The following RILPL2 variants were observed in gnomAD, a reference collection of about 807,000 sequenced individuals.
RILPL2 encodes the protein RILP-like protein 2.
RILPL2 carries 19 observed loss-of-function variants against 22.2 expected under a neutral mutation model. That is an observed-to-expected ratio of 0.86 (90% CI 0.60 to 1.25). The LOEUF is 1.25. RILPL2 is among the 50% of genes most tolerant of loss of function. RILPL2 has a pLI of 0.00. For synonymous variants in RILPL2, 123 were observed against 111.6 expected, an observed-to-expected ratio of 1.10 and a Z score of -0.64; for missense variants, 243 against 263.6, an observed-to-expected ratio of 0.92 and a Z score of 0.54.
At chr12:123,434,687 A>C (rs899571514) in intron 1 of RILPL2, among the ~76,000 whole-genome samples, 1 of 151,742 alleles carries the variant, frequency 6.6e-6, no homozygotes, top group Non-Finnish European at 1.5e-5. Context: ...TGGCCTCCCA[A>C]AGTGCTGGGA....
In RILPL2 at chr12:123,430,497, G is replaced by C; in HGVS notation, c.491+11C>G. The C allele has an allele frequency of 6.3e-7, 1 of 1,599,776 alleles. No individual in the cohort carries two copies. The highest frequency in any genetic ancestry group is 8.5e-7 in the Non-Finnish European group (1 of 1,171,832). On this transcript the variant is annotated intron_variant, in intron 2 of 3. Transcript: ENST00000280571. ...GTCTGGGTGCAGGACCCTCCAGGCA[G>C]TGGAGCCCACCTCTTGTAGCACTGC... is the stretch of plus-strand genomic sequence containing the variant.
At chr12:123,431,900 A>T (rs973294763) in intron 1 of RILPL2, among the ~76,000 whole-genome samples, 2 of 149,766 alleles carry the variant, frequency 1.3e-5, no homozygotes, top group Non-Finnish European at 1.5e-5. Context: ...ATTTTATTTT[A>T]TTTTTTTCTT....
chr12:123,417,302 A>G (rs543606838), intron 3 of RILPL2, among the ~76,000 whole-genome samples: 19 of 151,634 alleles, frequency 1.3e-4, no homozygotes, highest in Non-Finnish European at 2.4e-4. Flanking sequence ...CCATCTCAAA[A>G]AAAAAAAAAG....
intron 2 of RILPL2, among the ~76,000 whole-genome samples, chr12:123,424,813 G>A (rs1000460951): frequency 5.9e-5 from 9 of 151,952 alleles, no homozygotes; most frequent in Non-Finnish European, 1.3e-4. Flanking sequence ...TACCCCCATG[G>A]TGTTGTCCCC....
intron 2 of RILPL2, among the ~76,000 whole-genome samples, chr12:123,425,745 GTTC>G (rs1879427480): frequency 6.6e-6 from 1 of 150,444 alleles, no homozygotes; most frequent in Admixed American, 6.6e-5. Flanking sequence ...CACCTCCCTG[GTTC>G]AAGCAATTCC....
intron 2 of RILPL2, among the ~76,000 whole-genome samples, chr12:123,429,034 A>C (rs1879520892): frequency 1.3e-5 from 2 of 152,336 alleles, no homozygotes; most frequent in South Asian, 4.1e-4. Flanking sequence ...AAATAGCACA[A>C]ATGGAAATAG....
Position 123,436,615 on chromosome 12 carries a change from C to A in RILPL2, c.-195G>T. ...TTGGGCCTGCGCCCCGGCGCACCGT[C>A]CCCGCTGCCAGCCACGCTGGAGAGT... On this transcript the variant is annotated 5_prime_UTR_variant, in exon 1 of 4. Coordinates refer to ENST00000280571, the MANE Select transcript of RILPL2 (RefSeq NM_145058.3). This position sits in a 1 kb window ranked among gnomAD's most constrained non-coding sequence, Gnocchi z 6.7. 1.1e-6 allele frequency: 1 copy of A among 897,348 alleles called. No homozygotes were observed. The highest frequency in any genetic ancestry group is 1.6e-6 in the Non-Finnish European group (1 of 610,552). The allele number at this position is 897,348 out of a possible 1,614,324, so 55.6% of individuals were successfully genotyped here. A position where few individuals can be genotyped will look rare whatever the true frequency, so the allele number is the denominator to read the frequency against.
rs982336434 is a variant in RILPL2 at position 123,436,543 on chromosome 12, C to T, written c.-123G>A. On this transcript the variant is annotated 5_prime_UTR_variant, in exon 1 of 4. Transcript: ENST00000280571. This position sits in a 1 kb window ranked among gnomAD's most constrained non-coding sequence, Gnocchi z 6.7. ...CCCTACCTGCCCAATCAGCGCGGCCCGGGGGTGGGCCCGGGGGGATGGTGC... is the reference window on the plus strand; with the variant it reads ...CCCTACCTGCCCAATCAGCGCGGCCTGGGGGTGGGCCCGGGGGGATGGTGC... 4.2e-6 allele frequency: 6 copies of T among 1,429,364 alleles called. No individual in the cohort carries two copies. In the Admixed American group the frequency reaches 8.0e-5, roughly 19 times the overall value. The allele number at this position is 1,429,364 out of a possible 1,614,324, so 88.5% of individuals were successfully genotyped here.
chr12:123,420,446 A>AT (rs1319194298), intron 3 of RILPL2, among the ~76,000 whole-genome samples: 5 of 142,974 alleles, frequency 3.5e-5, no homozygotes, highest in Admixed American at 7.0e-5. Context: ...GCCTATTTTT[A>AT]TTTTTTTTGA....
chr12:123,410,459 C>T (rs1878939792), downstream of RILPL2, among the ~76,000 whole-genome samples: 1 of 152,212 alleles, frequency 6.6e-6, no homozygotes, highest in Non-Finnish European at 1.5e-5. Context: ...CACTTCCCCT[C>T]TCTGAAACTT....
chr12:123,418,253 C>T (rs886119832), intron 3 of RILPL2, among the ~76,000 whole-genome samples: 22 of 152,274 alleles, frequency 1.4e-4, no homozygotes, highest in Middle Eastern at 3.4e-3. Flanking sequence ...CTCTTCCTTC[C>T]GGTCTTTAAT....
chr12:123,423,568 T>C (rs1879349790), intron 2 of RILPL2, among the ~76,000 whole-genome samples: 2 of 151,972 alleles, frequency 1.3e-5, no homozygotes, highest in African/African-American at 4.8e-5. Context: ...ATGATGATTA[T>C]GGTAATATTA....
chr12:123,426,811 C>T (rs1019060695), intron 2 of RILPL2, among the ~76,000 whole-genome samples: 3 of 151,552 alleles, frequency 2.0e-5, no homozygotes, highest in Non-Finnish European at 4.4e-5. Flanking sequence ...ACTGTGTTAG[C>T]CAGGATGGTC....
At chr12:123,421,381 C>T (rs1879278146) in intron 3 of RILPL2, among the ~76,000 whole-genome samples, 1 of 152,018 alleles carries the variant, frequency 6.6e-6, no homozygotes, top group Admixed American at 6.6e-5. Context: ...CTTTCCCTTT[C>T]CCCAGTCCTA....
At chr12:123,430,745 T>C (rs892368243) in intron 1 of RILPL2, 86 bp from the exon 2 acceptor site, 2 of 1,032,616 alleles carry the variant, frequency 1.9e-6, no homozygotes, top group African/African-American at 1.7e-5. Context: ...GGAGTCTCTG[T>C]TGCCCAGGCT....
At chr12:123,417,298 CA>C (rs71737939) in intron 3 of RILPL2, among the ~76,000 whole-genome samples, 367 of 126,900 alleles carry the variant, frequency 2.9e-3, no homozygotes, top group Middle Eastern at 0.015. Flanking sequence ...GACCCCATCT[CA>C]AAAAAAAAAA....
chr12:123,435,038 C>T (rs1025154284), intron 1 of RILPL2, among the ~76,000 whole-genome samples: 3 of 150,424 alleles, frequency 2.0e-5, no homozygotes, highest in Admixed American at 6.6e-5. Context: ...AAAATAGCCA[C>T]GCGTGGTGGC....
chr12:123,416,003 A>G (rs1261653409), intron 3 of RILPL2, 82 bp from the exon 4 acceptor site: 3 of 1,358,756 alleles, frequency 2.2e-6, no homozygotes, highest in Admixed American at 3.4e-5. Flanking sequence ...ATTTCTAAGT[A>G]GCTCTTGCAG....
chr12:123,415,710 C>T lies in RILPL2; in HGVS notation c.*181G>A, dbSNP rs1773421817. 1.4e-6 allele frequency: 1 copy of T among 716,998 alleles called. No individual in the cohort carries two copies. The highest frequency in any genetic ancestry group is 2.1e-5 in the Admixed American group (1 of 46,778). The allele number at this position is 716,998 out of a possible 1,614,324, so 44.4% of individuals were successfully genotyped here. ...GCCAAATCTTCAAGGGTGTCTAGTT[C>T]TGCAGCCAGGGAGAAAGTGATGCCA... On this transcript the variant is annotated 3_prime_UTR_variant, in exon 4 of 4. Coordinates refer to ENST00000280571, the MANE Select transcript of RILPL2 (RefSeq NM_145058.3).
Sources: gnomAD v4.1 joint callset for allele counts (sites outside exome capture counted in the v4.1 genomes callset) on GRCh38, gnomAD v4.1.1 for gene constraint, Gnocchi (gnomAD v3.1) non-coding constraint, MANE v1.5 for transcripts, NCBI Gene and HGNC (gene_info 2026-07-23, HGNC 2026-07-21) for gene names.